Variants in SYNDIG1 observed in about 807,000 individuals in gnomAD.
SYNDIG1 encodes synapse differentiation-inducing gene protein 1.
Under a neutral mutation model 19.4 loss-of-function variants are expected in SYNDIG1, and 9 were observed. The observed-to-expected ratio is 0.46, with a 90% CI of 0.28 to 0.81. The LOEUF (loss-of-function observed/expected upper bound fraction) is 0.81, where lower values mean the gene tolerates loss of function less well. Ranked by LOEUF, SYNDIG1 falls within the 30% of genes least tolerant of loss-of-function variation. The pLI is 0.12. For synonymous variants in SYNDIG1, 141 were observed against 145.9 expected, an observed-to-expected ratio of 0.97 and a Z score of 0.24; for missense variants, 311 against 343.3, an observed-to-expected ratio of 0.91 and a Z score of 0.74.
intron 1 of SYNDIG1, among the ~76,000 whole-genome samples, chr20:24,473,975 A>G (rs1694030897): frequency 1.3e-5 from 2 of 152,228 alleles, no homozygotes; most frequent in South Asian, 2.1e-4. Context: ...ACAACCTGCC[A>G]TCAGCAAGAG....
At chr20:24,517,659 TAC>T (rs966261535) in intron 1 of SYNDIG1, among the ~76,000 whole-genome samples, 1 of 145,046 alleles carries the variant, frequency 6.9e-6, no homozygotes, top group African/African-American at 2.5e-5. Flanking sequence ...CATATATATA[TAC>T]ACACATATAT....
intron 1 of SYNDIG1, among the ~76,000 whole-genome samples, chr20:24,526,508 C>A (rs1427614432): frequency 6.6e-6 from 1 of 151,998 alleles, no homozygotes; most frequent in Non-Finnish European, 1.5e-5. Context: ...GATTTACATG[C>A]TATTGTTTTC....
intron 1 of SYNDIG1, among the ~76,000 whole-genome samples, chr20:24,486,174 T>C (rs1031517884): frequency 1.3e-5 from 2 of 152,182 alleles, no homozygotes. Flanking sequence ...GGTGTATTTA[T>C]GAAATCAAAA....
chr20:24,532,372 A>T (rs553014856), intron 1 of SYNDIG1, among the ~76,000 whole-genome samples: 1 of 152,314 alleles, frequency 6.6e-6, no homozygotes, highest in African/African-American at 2.4e-5. Flanking sequence ...GAGAGGCCAC[A>T]TAGTGTATGA....
At chr20:24,590,416 G>C (rs1350213137) in intron 3 of SYNDIG1, among the ~76,000 whole-genome samples, 2 of 152,104 alleles carry the variant, frequency 1.3e-5, no homozygotes, top group African/African-American at 2.4e-5. Context: ...AAGAAGCCTC[G>C]GGGGTTTGAG....
rs1178437717 is a variant in SYNDIG1 at position 24,473,459 on chromosome 20, C to T, written c.-79+3706C>T. 5.9e-5 allele frequency among the ~76,000 whole-genome samples: 9 copies of T among 152,220 alleles called. No individual in the cohort carries two copies. The East Asian group carries it at 1.5e-3, about 26-fold the overall frequency. On this transcript the variant is annotated intron_variant, in intron 1 of 3. Transcript: ENST00000376862. The stretch of plus-strand genomic sequence containing the variant: ...AACAAATGTGGTTTCTCAGCATTCT[C>T]TGTGCAAGATGCCCATTTTGAATGA...
chr20:24,662,184 G>T (rs1568723849), intron 3 of SYNDIG1, among the ~76,000 whole-genome samples: 1 of 151,644 alleles, frequency 6.6e-6, no homozygotes, highest in East Asian at 2.0e-4. Context: ...AAGCACGTTT[G>T]TTCTGGCTGT....
chr20:24,480,673 G>T (rs574556347), intron 1 of SYNDIG1, among the ~76,000 whole-genome samples: 1 of 152,324 alleles, frequency 6.6e-6, no homozygotes, highest in East Asian at 1.9e-4. Flanking sequence ...ATATGCACAT[G>T]CCCATTTTGA....
In SYNDIG1 at chr20:24,555,564, G is replaced by T. The variant is rs1010865186; in HGVS notation, c.480+11987G>T. Among the ~76,000 whole-genome samples, 4 of 152,012 alleles carry T rather than the reference G, an allele frequency of 2.6e-5. No homozygotes were observed. In the East Asian group the frequency reaches 5.8e-4, roughly 22 times the overall value. On this transcript the variant is annotated intron_variant, in intron 2 of 3. Coordinates refer to ENST00000376862, the MANE Select transcript of SYNDIG1 (RefSeq NM_024893.3). Reference sequence around the variant, plus strand: ...TTTCTGCCTTCATTTCATTATGTACGCAGTAGTCATTCAGGAGCAGGTTGT... The same window carrying T: ...TTTCTGCCTTCATTTCATTATGTACTCAGTAGTCATTCAGGAGCAGGTTGT...
chr20:24,584,483 A>G (rs930515828), intron 2 of SYNDIG1, among the ~76,000 whole-genome samples: 2 of 152,210 alleles, frequency 1.3e-5, no homozygotes, highest in African/African-American at 4.8e-5. Context: ...GCTTCCAGGC[A>G]GGCAGTCCCT....
At chr20:24,662,703 C>T (rs760008641) in intron 3 of SYNDIG1, among the ~76,000 whole-genome samples, 7 of 152,240 alleles carry the variant, frequency 4.6e-5, no homozygotes, top group Non-Finnish European at 1.0e-4. Context: ...CTTGGGGCTT[C>T]GCCAGTCACC....
At chr20:24,542,326 A>C (rs947437676) in intron 1 of SYNDIG1, among the ~76,000 whole-genome samples, 1 of 152,220 alleles carries the variant, frequency 6.6e-6, no homozygotes, top group East Asian at 1.9e-4. Flanking sequence ...GCACCTCCTC[A>C]GCTTTAATGT....
At chr20:24,508,762 G>A (rs1296710430) in intron 1 of SYNDIG1, among the ~76,000 whole-genome samples, 1 of 152,170 alleles carries the variant, frequency 6.6e-6, no homozygotes, top group Non-Finnish European at 1.5e-5. Context: ...TCTTCAGACT[G>A]ATAAAAACCA....
chr20:24,553,544 C>G (rs1195363708), intron 2 of SYNDIG1, among the ~76,000 whole-genome samples: 1 of 152,162 alleles, frequency 6.6e-6, no homozygotes, highest in Admixed American at 6.5e-5. Context: ...GCCAGTTTTC[C>G]CAGCACCAGT....
intron 3 of SYNDIG1, among the ~76,000 whole-genome samples, chr20:24,639,107 A>G (rs1422353384): frequency 1.3e-5 from 2 of 152,236 alleles, no homozygotes; most frequent in Non-Finnish European, 2.9e-5. Context: ...CATTATTATA[A>G]TACAAAGCAC....
At chr20:24,638,070 G>A (rs1463858456) in intron 3 of SYNDIG1, among the ~76,000 whole-genome samples, 3 of 152,298 alleles carry the variant, frequency 2.0e-5, no homozygotes, top group East Asian at 3.9e-4. Context: ...TTAGCCTCAC[G>A]CAGTCCTAAA....
intron 3 of SYNDIG1, among the ~76,000 whole-genome samples, chr20:24,660,744 C>T (rs1300828592): frequency 6.6e-6 from 1 of 152,198 alleles, no homozygotes; most frequent in African/African-American, 2.4e-5. Flanking sequence ...GGCACAGGCC[C>T]TGTGTGTCCA....
intron 1 of SYNDIG1, among the ~76,000 whole-genome samples, chr20:24,471,968 C>A (rs1282850870): frequency 6.6e-6 from 1 of 152,118 alleles, no homozygotes; most frequent in Non-Finnish European, 1.5e-5. Context: ...AGTAAAAATA[C>A]AAAATCACTT....
At chr20:24,491,987 GA>G (rs1449216936) in intron 1 of SYNDIG1, among the ~76,000 whole-genome samples, 1 of 152,224 alleles carries the variant, frequency 6.6e-6, no homozygotes, top group East Asian at 1.9e-4. Context: ...TGGAAAGAAT[GA>G]AAATAGGACT....
Sources: allele counts gnomAD v4.1 joint callset (sites outside exome capture counted in the v4.1 genomes callset), GRCh38; gene constraint gnomAD v4.1.1; transcripts MANE v1.5; gene names NCBI Gene and HGNC (gene_info 2026-07-23, HGNC 2026-07-21).